The following ALK variants were observed in gnomAD, a reference collection of about 807,000 sequenced individuals.
The protein encoded by ALK is ALK tyrosine kinase receptor.
ALK carries 74 observed loss-of-function variants against 163.1 expected under a neutral mutation model. The observed-to-expected ratio is 0.45, with a 90% CI of 0.38 to 0.55. The LOEUF is 0.55. Among genes scored for constraint, ALK ranks in the 20% least tolerant of loss-of-function variants. The probability of loss-of-function intolerance (pLI) is 0.00; values close to 1 mark genes in which losing one functional copy is unlikely to be tolerated. For synonymous variants in ALK, 960 were observed against 843.2 expected, an observed-to-expected ratio of 1.14 and a Z score of -2.40; for missense variants, 2,063 against 2,105.3, an observed-to-expected ratio of 0.98 and a Z score of 0.39.
At chr2:29,564,937 C>T (rs1475669150) in intron 3 of ALK, among the ~76,000 whole-genome samples, 1 of 152,184 alleles carries the variant, frequency 6.6e-6, no homozygotes, top group Non-Finnish European at 1.5e-5. Context: ...CCAGTTATAA[C>T]CAGGGCATTC....
chr2:29,822,027 C>G (rs570386160), intron 1 of ALK, among the ~76,000 whole-genome samples: 1 of 152,282 alleles, frequency 6.6e-6, no homozygotes, highest in South Asian at 2.1e-4. Flanking sequence ...GAAATCAGGC[C>G]TTCTTCTGCA....
chr2:29,813,790 T>C (rs1664819413), intron 1 of ALK, among the ~76,000 whole-genome samples: 1 of 152,186 alleles, frequency 6.6e-6, no homozygotes, highest in Non-Finnish European at 1.5e-5. Context: ...CTCACAATTG[T>C]GTGGCAAATA....
At chr2:29,621,325 A>G (rs1410586011) in intron 3 of ALK, among the ~76,000 whole-genome samples, 1 of 152,198 alleles carries the variant, frequency 6.6e-6, no homozygotes, top group Admixed American at 6.5e-5. Context: ...TAGAAAAGAT[A>G]TCTGTTTTCT....
At chr2:29,321,488 G>C (rs1667045465) in intron 6 of ALK, among the ~76,000 whole-genome samples, 1 of 152,214 alleles carries the variant, frequency 6.6e-6, no homozygotes, top group Non-Finnish European at 1.5e-5. Flanking sequence ...GTTAAGTGAA[G>C]ACATATGATG....
intron 2 of ALK, among the ~76,000 whole-genome samples, chr2:29,706,975 A>ATGTGTGTGTG (rs766564449): frequency 0.014 from 1,434 of 102,772 alleles, 60 homozygotes; most frequent in East Asian, 0.018. Context: ...CTCATGCAGA[A>ATGTGTGTGTG]TGTGTGTGTG....
chr2:29,436,320 C>T (rs765387984), intron 4 of ALK, among the ~76,000 whole-genome samples: 1 of 152,164 alleles, frequency 6.6e-6, no homozygotes, highest in South Asian at 2.1e-4. Flanking sequence ...GAGAAAGGCA[C>T]GGTGCACTGG....
chr2:29,326,372 A>T (rs1376166745), intron 6 of ALK, among the ~76,000 whole-genome samples: 1 of 152,186 alleles, frequency 6.6e-6, no homozygotes, highest in Non-Finnish European at 1.5e-5. Flanking sequence ...TCATTTTCCC[A>T]ATTGTCAATC....
chr2:29,415,505 G>C (rs559222553), intron 4 of ALK, among the ~76,000 whole-genome samples: 4 of 152,156 alleles, frequency 2.6e-5, no homozygotes, highest in Non-Finnish European at 5.9e-5. Context: ...GATGGAGACC[G>C]TGAGCAAGGA....
At chr2:29,230,252 G>A (rs1192394957) in intron 15 of ALK, among the ~76,000 whole-genome samples, 3 of 151,328 alleles carry the variant, frequency 2.0e-5, no homozygotes, top group African/African-American at 7.3e-5. Context: ...ATTATTTAGG[G>A]AATAAGTCTG....
intron 3 of ALK, among the ~76,000 whole-genome samples, chr2:29,640,385 A>C (rs1676667948): frequency 6.6e-6 from 1 of 152,144 alleles, no homozygotes; most frequent in Non-Finnish European, 1.5e-5. Flanking sequence ...GTGAGTTCTC[A>C]TGAGCTCTGG....
At chr2:29,786,645 G>A (rs905009610) in intron 1 of ALK, among the ~76,000 whole-genome samples, 1 of 152,208 alleles carries the variant, frequency 6.6e-6, no homozygotes, top group African/African-American at 2.4e-5. Flanking sequence ...CCGACTGTAG[G>A]AGGTCAGAGT....
intron 2 of ALK, among the ~76,000 whole-genome samples, chr2:29,708,861 C>T (rs1340119488): frequency 6.6e-6 from 1 of 152,184 alleles, no homozygotes; most frequent in East Asian, 1.9e-4. Context: ...CCTGACAGCT[C>T]ACAATTTCTA....
At chr2:29,618,852 G>A (rs6729008) in intron 3 of ALK, among the ~76,000 whole-genome samples, 93,057 of 151,932 alleles carry the variant, frequency 0.61, 29,749 homozygotes, top group East Asian at 0.73. Context: ...GGTGGCGCAC[G>A]CCTGTAATCC....
At chr2:29,515,817 T>C (rs1175361733) in intron 4 of ALK, among the ~76,000 whole-genome samples, 1 of 152,186 alleles carries the variant, frequency 6.6e-6, no homozygotes, top group Admixed American at 6.5e-5. Context: ...CACACTAGCT[T>C]CCTGTTTAGA....
At chr2:29,631,342 T>A (rs1676367572) in intron 3 of ALK, among the ~76,000 whole-genome samples, 1 of 152,254 alleles carries the variant, frequency 6.6e-6, no homozygotes, top group African/African-American at 2.4e-5. Context: ...GTAAGCTGTT[T>A]CTAAACTCAA....
At chr2:29,708,490 T>C (rs1678978486) in intron 2 of ALK, among the ~76,000 whole-genome samples, 1 of 152,140 alleles carries the variant, frequency 6.6e-6, no homozygotes, top group Non-Finnish European at 1.5e-5. Flanking sequence ...TCCAAGTGAC[T>C]ATGAGGCAAC....
In ALK at chr2:29,521,206, G is replaced by A. The variant is rs1672803053; in HGVS notation, c.1154+10709C>T. Among the ~76,000 whole-genome samples, 3 of 152,128 alleles carry A rather than the reference G, an allele frequency of 2.0e-5. 1 individual carries two copies. On this transcript the variant is annotated intron_variant, in intron 4 of 28. Coordinates refer to ENST00000389048, the MANE Select transcript of ALK (RefSeq NM_004304.5). ...GCCCTATAGGGTGGAGCAAGGTCCT[G>A]GATCCTCAGGTAACCTGGTGCCCTC...
chr2:29,805,991 T>A (rs114178448), intron 1 of ALK, among the ~76,000 whole-genome samples: 1,784 of 152,254 alleles, frequency 0.012, 18 homozygotes, highest in Non-Finnish European at 0.017. Context: ...GCCATGTACA[T>A]GTGAGTGAGG....
intron 26 of ALK, among the ~76,000 whole-genome samples, chr2:29,206,582 C>T (rs1036077911): frequency 6.6e-6 from 1 of 152,100 alleles, no homozygotes; most frequent in African/African-American, 2.4e-5. Context: ...TACACCCCTA[C>T]TTTCAATTTC....
Sources: gnomAD v4.1 joint callset for allele counts (sites outside exome capture counted in the v4.1 genomes callset) on GRCh38, gnomAD v4.1.1 for gene constraint, MANE v1.5 for transcripts, NCBI Gene and HGNC (gene_info 2026-07-23, HGNC 2026-07-21) for gene names.